The following CA10 variants were observed in gnomAD, a reference collection of about 807,000 sequenced individuals.
CA10 encodes carbonic anhydrase 10 (inactive), also known as carbonic anhydrase-related protein 10.
A neutral mutation model predicts 44.2 loss-of-function variants in CA10; 14 were observed. The ratio of observed to expected loss-of-function variants is 0.32; its 90% CI spans 0.21 to 0.50. The LOEUF (loss-of-function observed/expected upper bound fraction) is 0.50. Among genes scored for constraint, CA10 ranks in the 20% least tolerant of loss-of-function variants. The probability of loss-of-function intolerance (pLI) is 0.99; values close to 1 mark genes in which losing one functional copy is unlikely to be tolerated. For synonymous variants in CA10, 159 were observed against 141.6 expected, an observed-to-expected ratio of 1.12 and a Z score of -0.87; for missense variants, 350 against 409.7, an observed-to-expected ratio of 0.85 and a Z score of 1.26.
intron 3 of CA10, among the ~76,000 whole-genome samples, chr17:51,755,809 G>A (rs541030375): frequency 2.0e-5 from 3 of 152,210 alleles, no homozygotes; most frequent in Non-Finnish European, 4.4e-5. Flanking sequence ...AAAGGAATAA[G>A]TGAGGGGACT....
intron 2 of CA10, among the ~76,000 whole-genome samples, chr17:52,065,431 C>T (rs1259731225): frequency 6.6e-6 from 1 of 152,166 alleles, no homozygotes; most frequent in Non-Finnish European, 1.5e-5. Flanking sequence ...TCTATTCTGA[C>T]CCAAGTTTGT....
chr17:51,812,907 A>G (rs1017844090), intron 3 of CA10, among the ~76,000 whole-genome samples: 1 of 152,180 alleles, frequency 6.6e-6, no homozygotes, highest in Non-Finnish European at 1.5e-5. Flanking sequence ...CCATCTCCCA[A>G]ATAGCTCCCC....
intron 3 of CA10, among the ~76,000 whole-genome samples, chr17:51,894,738 G>A (rs1266120653): frequency 1.3e-5 from 2 of 152,056 alleles, no homozygotes; most frequent in Admixed American, 1.3e-4. Flanking sequence ...TGTGTTGTTT[G>A]TAGTCACTAA....
chr17:52,144,709 A>G (rs1054788163), intron 1 of CA10, among the ~76,000 whole-genome samples: 1 of 152,234 alleles, frequency 6.6e-6, no homozygotes, highest in Non-Finnish European at 1.5e-5. Context: ...ACACTTTCAC[A>G]TGCATTGGCT....
At chr17:51,911,919 C>T (rs754860643) in intron 3 of CA10, among the ~76,000 whole-genome samples, 1 of 152,156 alleles carries the variant, frequency 6.6e-6, no homozygotes, top group African/African-American at 2.4e-5. Flanking sequence ...AAATAATTTG[C>T]AGCCTCAGAG....
At chr17:51,660,780 A>G (rs573231864) in intron 4 of CA10, among the ~76,000 whole-genome samples, 4 of 152,282 alleles carry the variant, frequency 2.6e-5, no homozygotes, top group African/African-American at 7.2e-5. Flanking sequence ...CCTGTAACAT[A>G]AAGATGCACA....
intron 1 of CA10, among the ~76,000 whole-genome samples, chr17:52,095,940 T>C (rs1988390473): frequency 6.6e-6 from 1 of 152,086 alleles, no homozygotes; most frequent in Non-Finnish European, 1.5e-5. Context: ...AGGAGAGTAA[T>C]ATTTGGTGTC....
intron 2 of CA10, among the ~76,000 whole-genome samples, chr17:52,046,501 T>C (rs1169046624): frequency 2.0e-5 from 3 of 151,836 alleles, no homozygotes; most frequent in Non-Finnish European, 4.4e-5. Context: ...AAATACTTTC[T>C]ACCAAAGCTT....
intron 2 of CA10, among the ~76,000 whole-genome samples, chr17:52,015,828 T>C (rs368318118): frequency 2.1e-4 from 32 of 152,260 alleles, no homozygotes; most frequent in African/African-American, 7.7e-4. Context: ...AGTCCTAGGC[T>C]ACATGTTGTT....
chr17:51,718,879 G>C (rs1424337661), intron 4 of CA10, among the ~76,000 whole-genome samples: 4 of 152,152 alleles, frequency 2.6e-5, no homozygotes, highest in African/African-American at 9.7e-5. Flanking sequence ...TGTTGAATGA[G>C]AGGATAGAAA....
chr17:51,810,591 G>A (rs1907321910), intron 3 of CA10, among the ~76,000 whole-genome samples: 1 of 152,150 alleles, frequency 6.6e-6, no homozygotes, highest in Non-Finnish European at 1.5e-5. Context: ...GCCTAAAGAT[G>A]CAGCTCAAGA....
chr17:51,894,207 GA>G (rs1402496640), intron 3 of CA10, among the ~76,000 whole-genome samples: 1 of 151,966 alleles, frequency 6.6e-6, no homozygotes, highest in Non-Finnish European at 1.5e-5. Context: ...AATTCTGGGG[GA>G]CTCCAAGATC....
chr17:51,865,847 C>T (rs1979523227), intron 3 of CA10, among the ~76,000 whole-genome samples: 1 of 152,192 alleles, frequency 6.6e-6, no homozygotes, highest in South Asian at 2.1e-4. Context: ...GATGCATTTG[C>T]TCCACTAGAA....
At chr17:51,737,485 A>C (rs1241314029) in intron 4 of CA10, among the ~76,000 whole-genome samples, 1 of 152,120 alleles carries the variant, frequency 6.6e-6, no homozygotes, top group Non-Finnish European at 1.5e-5. Context: ...TTATGGCTTA[A>C]AAAGCCCTAT....
intron 2 of CA10, among the ~76,000 whole-genome samples, chr17:51,980,107 C>G (rs2144085568): frequency 6.6e-6 from 1 of 152,292 alleles, no homozygotes; most frequent in East Asian, 1.9e-4. Flanking sequence ...AATCCTCATA[C>G]TGCTTTCCAC....
chr17:51,876,160 G>GTTTTTTTTTTTTTTT, intron 3 of CA10, among the ~76,000 whole-genome samples: 1 of 59,762 alleles, frequency 1.7e-5, no homozygotes, highest in Non-Finnish European at 2.9e-5. Flanking sequence ...TTCTTCTCTC[G>GTTTTTTTTTTTTTTT]TTTTTTTTTT....
chr17:51,968,003 C>A (rs1984144294), intron 2 of CA10, among the ~76,000 whole-genome samples: 1 of 151,632 alleles, frequency 6.6e-6, no homozygotes, highest in Non-Finnish European at 1.5e-5. Context: ...ATCACATGAT[C>A]CATTTAAAAG....
At chr17:51,815,306 G>A (rs1907522010) in intron 3 of CA10, among the ~76,000 whole-genome samples, 1 of 152,168 alleles carries the variant, frequency 6.6e-6, no homozygotes, top group South Asian at 2.1e-4. Context: ...CTGGACTAAA[G>A]GAAGTGAGAT....
intron 4 of CA10, among the ~76,000 whole-genome samples, chr17:51,744,884 G>T (rs556339496): frequency 1.3e-5 from 2 of 152,284 alleles, no homozygotes; most frequent in Admixed American, 6.5e-5. Flanking sequence ...TTGTTTCGGG[G>T]ACTCTGAAAT....
Sources: gnomAD v4.1 joint callset for allele counts (sites outside exome capture counted in the v4.1 genomes callset) on GRCh38, gnomAD v4.1.1 for gene constraint, MANE v1.5 for transcripts, NCBI Gene and HGNC (gene_info 2026-07-23, HGNC 2026-07-21) for gene names.